Variants in SRSF12 observed in about 807,000 individuals in gnomAD.
SRSF12 encodes serine and arginine rich splicing factor 12.
A neutral mutation model predicts 34.1 loss-of-function variants in SRSF12; 21 were observed. The observed-to-expected ratio is 0.62, with a 90% confidence interval of 0.44 to 0.89. The LOEUF (loss-of-function observed/expected upper bound fraction) is 0.89. Among genes scored for constraint, SRSF12 ranks in the 40% least tolerant of loss-of-function variants. The probability of loss-of-function intolerance (pLI) is 0.00; values close to 1 mark genes in which losing one functional copy is unlikely to be tolerated. For synonymous variants in SRSF12, 111 were observed against 110.8 expected (o/e 1.00, Z -0.01); for missense variants, 278 against 327.8 (o/e 0.85, Z 1.17).
intron 4 of SRSF12, among the ~76,000 whole-genome samples, chr6:89,102,836 T>TGACCTACTG (rs1768599917): frequency 6.6e-6 from 1 of 152,176 alleles, no homozygotes; most frequent in Non-Finnish European, 1.5e-5. Context: ...ACTGCAGCCT[T>TGACCTACTG]GACCTACTGG....
intron 4 of SRSF12, among the ~76,000 whole-genome samples, chr6:89,101,599 G>A (rs1300994037): frequency 3.3e-5 from 5 of 152,216 alleles, no homozygotes; most frequent in East Asian, 1.9e-4. Context: ...GCGGGAGGCT[G>A]AGGCAGGAGA....
chr6:89,100,275 TTCAAAC>T (rs1483251558), intron 4 of SRSF12, among the ~76,000 whole-genome samples: 1 of 152,066 alleles, frequency 6.6e-6, no homozygotes, highest in Admixed American at 6.6e-5. Context: ...GAGATTAGAG[TTCAAAC>T]TCCCAAAAGG....
chr6:89,114,636 A>AAATC (rs1187180069), intron 1 of SRSF12, among the ~76,000 whole-genome samples: 6 of 152,048 alleles, frequency 3.9e-5, no homozygotes, highest in African/African-American at 1.4e-4. Context: ...ATGGAAAAGG[A>AAATC]AATCAGTCAA....
chr6:89,112,447 C>CT lies in SRSF12; in HGVS notation c.66-5190dup, dbSNP rs760181452. Among the ~76,000 whole-genome samples, 1,097 of 128,814 alleles carry CT rather than the reference C, an allele frequency of 8.5e-3. 4 individuals are homozygous for CT. The highest frequency in any genetic ancestry group is 0.01 in the Non-Finnish European group (612 of 58,798). The allele number at this position is 128,814 out of a possible 152,430, so 84.5% of individuals were successfully genotyped here. A position where few individuals can be genotyped will look rare whatever the true frequency, so the allele number is the denominator to read the frequency against. ...TTTCTAGTCTCATTTTCTTTTCTTT[C>CT]TTTTTTTTTTTTTTTTGGAGACAGG... On this transcript the variant is annotated intron_variant, in intron 1 of 4. Coordinates refer to ENST00000452027, the MANE Select transcript of SRSF12 (RefSeq NM_080743.5).
intron 4 of SRSF12, among the ~76,000 whole-genome samples, chr6:89,100,896 G>T (rs1204953807): frequency 1.3e-5 from 2 of 152,106 alleles, no homozygotes; most frequent in African/African-American, 4.8e-5. Flanking sequence ...CCTGAGGTCA[G>T]GAGTTCAAGA....
rs555288365 is a variant in SRSF12, at chr6:89,109,818, G to A, written c.66-2560C>T. 4.6e-5 allele frequency among the ~76,000 whole-genome samples: 7 copies of A among 152,316 alleles called. No individual in the cohort carries two copies. The East Asian group carries it at 9.7e-4, about 21-fold the overall frequency. On this transcript the variant is annotated intron_variant, in intron 1 of 4. Coordinates refer to ENST00000452027, the MANE Select transcript of SRSF12 (RefSeq NM_080743.5). ...AACAAGATTTATTTTCTGGCCGGGC[G>A]CGGTGGCTCACGCTTGTAATCCCAG...
chr6:89,114,764 G>A (rs749033408), intron 1 of SRSF12, among the ~76,000 whole-genome samples: 10 of 152,144 alleles, frequency 6.6e-5, no homozygotes, highest in Non-Finnish European at 1.0e-4. Context: ...TTTAAAATGC[G>A]TATAAATATG....
chr6:89,111,626 T>C (rs544811605), intron 1 of SRSF12, among the ~76,000 whole-genome samples: 24 of 152,260 alleles, frequency 1.6e-4, no homozygotes, highest in South Asian at 6.2e-4. Flanking sequence ...TTTTGTATTT[T>C]ATATCTTTTT....
chr6:89,103,622 C>G (rs969400262), intron 4 of SRSF12, among the ~76,000 whole-genome samples: 1 of 152,084 alleles, frequency 6.6e-6, no homozygotes, highest in South Asian at 2.1e-4. Context: ...TAAGCCACTG[C>G]GCCTGGCCTG....
At chr6:89,112,566 C>T (rs1314823980) in intron 1 of SRSF12, among the ~76,000 whole-genome samples, 1 of 149,744 alleles carries the variant, frequency 6.7e-6, no homozygotes, top group African/African-American at 2.5e-5. Flanking sequence ...GCACGCATCA[C>T]CATGCCCGGC....
chr6:89,118,047 AG>A lies in SRSF12; in HGVS notation c.-161del, dbSNP rs562744363. 1,214 of 487,282 alleles carry A rather than the reference AG, an allele frequency of 2.5e-3. 19 individuals are homozygous for A. Among genetic ancestry groups the A allele is most frequent in the African/African-American group, 0.025 (1,156 of 46,886 alleles). 30.2% of individuals were successfully genotyped at this position (487,282 alleles called of 1,614,324 possible). Reference sequence around the variant, plus strand: ...CGCGCAGCCGCAGAGGCCGGCGCAGAGGGGGCGCAGCGCGGCGCCAGCCTGG... The same window carrying A: ...CGCGCAGCCGCAGAGGCCGGCGCAGAGGGGCGCAGCGCGGCGCCAGCCTGG... On this transcript the variant is annotated 5_prime_UTR_variant, in exon 1 of 5. Transcript: ENST00000452027.
chr6:89,105,319 A>G, intron 3 of SRSF12, 59 bp from the exon 4 acceptor site: 1 of 1,571,432 alleles, frequency 6.4e-7, no homozygotes, highest in Admixed American at 1.8e-5. Flanking sequence ...CACAGTAACA[A>G]CCACTCAACT....
In SRSF12 at chr6:89,098,821, C is replaced by A; in HGVS notation, c.543G>T (p.Arg181Ser). ...TGGACCTCTTTTGTAAGGACTTGGA[C>A]CTTGACCGTCCTCTAGAGCCAAAAT... ...RRNFGSRGRS[R>S]SKSLQKRSKS... Residue 181 changes from arginine (R) to serine (S), a missense_variant, in exon 5 of 5, where the codon AGG becomes AGT. Transcript: ENST00000452027. The A allele has an allele frequency of 1.9e-6, 3 of 1,613,912 alleles. No homozygotes were observed. The highest frequency in any genetic ancestry group is 2.5e-6 in the Non-Finnish European group (3 of 1,179,886).
chr6:89,117,533 G>A lies in SRSF12; in HGVS notation c.65+290C>T, dbSNP rs527764667. ...TGAGCTCGGGAGAGGGGCGCCCCGT[G>A]TCCCACGGCCCGCCGGCTGCGGTGC... On this transcript the variant is annotated intron_variant, in intron 1 of 4. Transcript: ENST00000452027. 2.6e-5 allele frequency among the ~76,000 whole-genome samples: 4 copies of A among 152,326 alleles called. No individual in the cohort carries two copies. In the East Asian group the frequency reaches 7.7e-4, roughly 29 times the overall value.
chr6:89,104,197 A>T (rs544815891), intron 4 of SRSF12, among the ~76,000 whole-genome samples: 2 of 149,498 alleles, frequency 1.3e-5, no homozygotes, highest in South Asian at 2.1e-4. Context: ...CATTTAGGAA[A>T]ATTTTATTTA....
intron 4 of SRSF12, 113 bp from the exon 5 acceptor site, chr6:89,099,060 T>A: frequency 1.6e-6 from 2 of 1,280,028 alleles, no homozygotes; most frequent in East Asian, 5.1e-5. Context: ...TTTTACTAGA[T>A]AAGCTAAAAA....
chr6:89,110,083 T>C (rs1485084398), intron 1 of SRSF12, among the ~76,000 whole-genome samples: 1 of 149,042 alleles, frequency 6.7e-6, no homozygotes, highest in Non-Finnish European at 1.5e-5. Context: ...AGAGCAAGAC[T>C]CTGTCTCAAA....
In SRSF12 at chr6:89,096,034, A is replaced by G. The variant is rs747136458; in HGVS notation, c.*2544T>C. The G allele has an allele frequency of 6.6e-6, 1 of 152,248 alleles. No homozygotes were observed. The highest frequency in any genetic ancestry group is 2.4e-5 in the African/African-American group (1 of 41,470). The allele number at this position is 152,248 out of a possible 1,614,324, so 9.4% of individuals were successfully genotyped here. ...GGCCAAGAAACAATTCTATGACAAA[A>G]GTGAACCCTGGAATATAGATATTCC... On this transcript the variant is annotated 3_prime_UTR_variant, in exon 5 of 5. Transcript: ENST00000452027.
At chr6:89,114,756 T>A (rs1319734490) in intron 1 of SRSF12, among the ~76,000 whole-genome samples, 1 of 152,214 alleles carries the variant, frequency 6.6e-6, no homozygotes, top group African/African-American at 2.4e-5. Context: ...TAAACATTTT[T>A]AAAATGCGTA....
Sources: allele counts gnomAD v4.1 joint callset (sites outside exome capture counted in the v4.1 genomes callset), GRCh38; gene constraint gnomAD v4.1.1; transcripts MANE v1.5; gene names NCBI Gene and HGNC (gene_info 2026-07-23, HGNC 2026-07-21).